The following SLX4IP variants were observed in gnomAD, a reference collection of about 807,000 sequenced individuals.
SLX4IP encodes protein SLX4IP.
Under a neutral mutation model 32.9 loss-of-function variants are expected in SLX4IP, and 34 were observed. The ratio of observed to expected loss-of-function variants is 1.03; its 90% CI spans 0.79 to 1.38. The LOEUF is 1.38. SLX4IP is among the 40% of genes most tolerant of loss of function. The pLI, the probability that SLX4IP is intolerant of heterozygous loss-of-function variation, is 0.00. For missense variants in SLX4IP, 444 were observed against 479.0 expected (o/e 0.93, Z 0.68); for synonymous variants, 172 against 171.7 (o/e 1.00, Z -0.01).
At chr20:10,607,645 T>G (rs2066920215) in intron 6 of SLX4IP, among the ~76,000 whole-genome samples, 1 of 152,104 alleles carries the variant, frequency 6.6e-6, no homozygotes, top group Non-Finnish European at 1.5e-5. Flanking sequence ...TTTCCTTGGA[T>G]AGCCACCATC....
chr20:10,518,311 A>G (rs1045417173), intron 2 of SLX4IP, among the ~76,000 whole-genome samples: 2 of 152,086 alleles, frequency 1.3e-5, no homozygotes, highest in Non-Finnish European at 2.9e-5. Flanking sequence ...CTGGATGACC[A>G]TTCTCCACCC....
chr20:10,459,327 A>T (rs750826629), intron 2 of SLX4IP, among the ~76,000 whole-genome samples: 1 of 152,086 alleles, frequency 6.6e-6, no homozygotes, highest in Non-Finnish European at 1.5e-5. Flanking sequence ...GTTCACTGTG[A>T]TGATAGTTTC....
At chr20:10,619,178 T>C (rs937564901) in intron 6 of SLX4IP, among the ~76,000 whole-genome samples, 3 of 152,064 alleles carry the variant, frequency 2.0e-5, no homozygotes, top group Non-Finnish European at 4.4e-5. Flanking sequence ...CCCGCCTTGC[T>C]TTTCTCTTTC....
At chr20:10,536,087 C>T (rs978154749) in intron 2 of SLX4IP, among the ~76,000 whole-genome samples, 9 of 152,196 alleles carry the variant, frequency 5.9e-5, no homozygotes, top group African/African-American at 1.9e-4. Context: ...TGTAGAATGG[C>T]TCTTACGGTA....
At chr20:10,535,002 G>A (rs1194523301) in intron 2 of SLX4IP, among the ~76,000 whole-genome samples, 2 of 152,166 alleles carry the variant, frequency 1.3e-5, no homozygotes, top group Non-Finnish European at 2.9e-5. Context: ...TATTCTGAGA[G>A]GAGTGGAAGG....
At position 10,601,720 on chromosome 20, in the gene SLX4IP, A is replaced by G. The variant is rs776707235; in HGVS notation, c.317-11A>G. On this transcript the variant is annotated splice_polypyrimidine_tract_variant and intron_variant, in intron 5 of 7. Transcript: ENST00000334534. ...GACACCTTTAAACTTGTTTTTCTTC[A>G]TTTTATACAGAACTCTGTGTATTCC... 3.1e-6 allele frequency: 5 copies of G among 1,612,584 alleles called. No individual in the cohort carries two copies. The highest frequency in any genetic ancestry group is 3.4e-6 in the Non-Finnish European group (4 of 1,178,882).
intron 6 of SLX4IP, chr20:10,613,093 A>C (rs2066987182): frequency 3.2e-6 from 1 of 313,968 alleles, no homozygotes; most frequent in African/African-American, 2.2e-5. Flanking sequence ...AGACACGCAC[A>C]TCGCAGAAAG....
chr20:10,541,604 T>C (rs748263124), intron 2 of SLX4IP, among the ~76,000 whole-genome samples: 1 of 152,250 alleles, frequency 6.6e-6, no homozygotes, highest in Non-Finnish European at 1.5e-5. Context: ...GGCTTGAGGC[T>C]AAGGTATTAG....
intron 6 of SLX4IP, among the ~76,000 whole-genome samples, chr20:10,603,707 C>G (rs1188522952): frequency 1.3e-5 from 2 of 152,172 alleles, no homozygotes; most frequent in Non-Finnish European, 2.9e-5. Context: ...ACAGTTTCAT[C>G]TCGGGGCTCA....
At chr20:10,544,676 C>G (rs2066144133) in intron 2 of SLX4IP, among the ~76,000 whole-genome samples, 1 of 152,132 alleles carries the variant, frequency 6.6e-6, no homozygotes, top group African/African-American at 2.4e-5. Context: ...CGTGAGCCAC[C>G]ATGCTCAGCC....
intron 4 of SLX4IP, among the ~76,000 whole-genome samples, chr20:10,563,141 T>A (rs888268192): frequency 1.3e-5 from 2 of 152,368 alleles, no homozygotes; most frequent in African/African-American, 4.8e-5. Flanking sequence ...TGGTTTTGAT[T>A]TGCATTTCCC....
chr20:10,514,314 C>T (rs1568717754), intron 2 of SLX4IP, among the ~76,000 whole-genome samples: 1 of 152,134 alleles, frequency 6.6e-6, no homozygotes. Context: ...GTCTTAAGTT[C>T]GTTTTGGCAT....
intron 2 of SLX4IP, among the ~76,000 whole-genome samples, chr20:10,492,812 T>G (rs999396043): frequency 6.6e-6 from 1 of 152,190 alleles, no homozygotes; most frequent in Non-Finnish European, 1.5e-5. Context: ...TCCCAATGGA[T>G]AATTAGTTAT....
chr20:10,510,038 A>G (rs1457190761), intron 2 of SLX4IP, among the ~76,000 whole-genome samples: 1 of 152,232 alleles, frequency 6.6e-6, no homozygotes, highest in Non-Finnish European at 1.5e-5. Context: ...CATTCTGTGT[A>G]CAGAATTTTA....
At position 10,544,201 on chromosome 20, in the gene SLX4IP, T is replaced by C. The variant is rs574198153; in HGVS notation, c.28-12030T>C. Among the ~76,000 whole-genome samples the C allele has an allele frequency of 3.3e-5, 5 of 152,286 alleles. No homozygotes were observed. The East Asian group carries it at 5.8e-4, about 18-fold the overall frequency. ...GAGTTTACAGCCCCCTTTCTTTTCATTTCTGGCCTTTCCTTTCTGTTTCTT... is the reference window on the plus strand; with the variant it reads ...GAGTTTACAGCCCCCTTTCTTTTCACTTCTGGCCTTTCCTTTCTGTTTCTT... On this transcript the variant is annotated intron_variant, in intron 2 of 7. Coordinates refer to ENST00000334534, the MANE Select transcript of SLX4IP (RefSeq NM_001009608.3).
chr20:10,556,406 A>T, intron 3 of SLX4IP, 86 bp downstream of exon 3: 1 of 1,330,238 alleles, frequency 7.5e-7, no homozygotes. Flanking sequence ...CATTTCTGTT[A>T]GTGGGAAAAA....
chr20:10,435,416 CAT>C lies in SLX4IP; in HGVS notation c.-63_-62del, dbSNP rs2065100972. Reference sequence around the variant, plus strand: ...CCAGTGACCCTGGACAGTAACAAAACATATAAAGCCCGAGCCCAAACCCCGCC... The same window carrying C: ...CCAGTGACCCTGGACAGTAACAAAACATAAAGCCCGAGCCCAAACCCCGCC... On this transcript the variant is annotated 5_prime_UTR_variant, in exon 1 of 8. Transcript: ENST00000334534. The C allele has an allele frequency of 6.6e-6, 1 of 152,234 alleles. No homozygotes were observed. The highest frequency in any genetic ancestry group is 2.1e-4 in the South Asian group (1 of 4,826). The allele number at this position is 152,234 out of a possible 1,614,324, so 9.4% of individuals were successfully genotyped here. A position where few individuals can be genotyped will look rare whatever the true frequency, so the allele number is the denominator to read the frequency against.
chr20:10,496,255 C>G (rs1686192039), intron 2 of SLX4IP, among the ~76,000 whole-genome samples: 1 of 152,006 alleles, frequency 6.6e-6, no homozygotes, highest in Non-Finnish European at 1.5e-5. Flanking sequence ...TATCCATCAC[C>G]CGAGCATTGA....
rs180799739 is a variant in SLX4IP, at chr20:10,571,003, A to T, written c.238+10183A>T. Among the ~76,000 whole-genome samples, 109 of 151,858 alleles carry T rather than the reference A, an allele frequency of 7.2e-4. 1 individual carries two copies. In the East Asian group the frequency reaches 0.018, roughly 25 times the overall value. ...TATCACCATATCTGGCTATTTTTTTAAAAAAATTTTGCAGAGATGGAGTCT... is the reference window on the plus strand; with the variant it reads ...TATCACCATATCTGGCTATTTTTTTTAAAAAATTTTGCAGAGATGGAGTCT... On this transcript the variant is annotated intron_variant, in intron 4 of 7. Transcript: ENST00000334534.
Sources: allele counts gnomAD v4.1 joint callset (sites outside exome capture counted in the v4.1 genomes callset), GRCh38; gene constraint gnomAD v4.1.1; transcripts MANE v1.5; gene names NCBI Gene and HGNC (gene_info 2026-07-23, HGNC 2026-07-21).